PLD5: variants seen among roughly 807,000 people sequenced by gnomAD.
The protein encoded by PLD5 is inactive phospholipase D5.
In PLD5, 36 loss-of-function variants were observed where a neutral mutation model predicts 61.1. That is an observed-to-expected ratio of 0.59 (90% CI 0.45 to 0.78). The LOEUF is 0.78. Ranked by LOEUF, PLD5 falls within the 30% of genes least tolerant of loss-of-function variation. The pLI, the probability that PLD5 is intolerant of heterozygous loss-of-function variation, is 0.00. For synonymous variants in PLD5, 243 were observed against 242.8 expected, an observed-to-expected ratio of 1.00 and a Z score of -0.01; for missense variants, 515 against 644.4, an observed-to-expected ratio of 0.80 and a Z score of 2.17.
At chr1:242,131,835 CTTT>C (rs10694688) in intron 5 of PLD5, among the ~76,000 whole-genome samples, 2 of 122,824 alleles carry the variant, frequency 1.6e-5, no homozygotes, top group Admixed American at 9.1e-5. Flanking sequence ...TCTTTCTTTC[CTTT>C]TTTTTTTTTT....
chr1:242,450,511 T>C (rs943065614), intron 1 of PLD5, among the ~76,000 whole-genome samples: 1 of 152,154 alleles, frequency 6.6e-6, no homozygotes, highest in East Asian at 1.9e-4. Flanking sequence ...GTTGGGTTCC[T>C]TTTTTTACTG....
At chr1:242,221,221 CA>C (rs1670567053) in intron 4 of PLD5, among the ~76,000 whole-genome samples, 1 of 152,176 alleles carries the variant, frequency 6.6e-6, no homozygotes, top group African/African-American at 2.4e-5. Context: ...ACAAACCTCT[CA>C]AAAGGAGCAT....
chr1:242,256,747 CATCTATCTATCTATCTATCTATCT>C lies in PLD5; in HGVS notation c.607+8566_607+8589del, dbSNP rs71570946. ...AGCAGCACAAATGAACTAAGACTATCATCTATCTATCTATCTATCTATCTATCTATCTATCTATCTATCTATCTA... is the reference window on the plus strand; with the variant it reads ...AGCAGCACAAATGAACTAAGACTATCATCTATCTATCTATCTATCTATCTA... On this transcript the variant is annotated intron_variant, in intron 4 of 9. Transcript: ENST00000536534. The surrounding 1 kb of genome is among the most constrained non-coding windows in gnomAD (Gnocchi z 5.7). Among the ~76,000 whole-genome samples the C allele has an allele frequency of 3.4e-5, 5 of 148,222 alleles. No homozygotes were observed. The highest frequency in any genetic ancestry group is 7.5e-5 in the African/African-American group (3 of 40,140).
At chr1:242,223,603 T>C (rs1005353128) in intron 4 of PLD5, among the ~76,000 whole-genome samples, 1 of 152,214 alleles carries the variant, frequency 6.6e-6, no homozygotes, top group Non-Finnish European at 1.5e-5. Flanking sequence ...ATAGCTATGT[T>C]ACAACAGTCT....
At chr1:242,443,630 AAAGG>A (rs1666373526) in intron 1 of PLD5, among the ~76,000 whole-genome samples, 1 of 152,194 alleles carries the variant, frequency 6.6e-6, no homozygotes, top group African/African-American at 2.4e-5. Context: ...AAGTAAATGG[AAAGG>A]AAGGAAGAGT....
chr1:242,264,147 A>C (rs749187902), intron 4 of PLD5, among the ~76,000 whole-genome samples: 17 of 152,346 alleles, frequency 1.1e-4, no homozygotes, highest in East Asian at 5.8e-4. Context: ...AAATTATCAG[A>C]TAGTGAGAAC....
At chr1:242,349,519 G>T (rs1301421749) in intron 1 of PLD5, among the ~76,000 whole-genome samples, 2 of 152,134 alleles carry the variant, frequency 1.3e-5, no homozygotes, top group Non-Finnish European at 2.9e-5. Context: ...TTATTTAACT[G>T]ACATTGTTCA....
chr1:242,375,205 C>T (rs556531696), intron 1 of PLD5, among the ~76,000 whole-genome samples: 16 of 152,312 alleles, frequency 1.1e-4, no homozygotes, highest in East Asian at 5.8e-4. Flanking sequence ...GGTTTGTGTA[C>T]GGCTGCATCT....
intron 5 of PLD5, among the ~76,000 whole-genome samples, chr1:242,207,067 A>G (rs1242226372): frequency 6.6e-6 from 1 of 152,134 alleles, no homozygotes; most frequent in Non-Finnish European, 1.5e-5. Context: ...CTCCACTTCA[A>G]TTGATTGGAT....
chr1:242,136,788 C>T (rs1663763276), intron 5 of PLD5, among the ~76,000 whole-genome samples: 1 of 152,100 alleles, frequency 6.6e-6, no homozygotes, highest in African/African-American at 2.4e-5. Context: ...TAACAATTTC[C>T]CATTAAAGGG....
At position 242,108,321 on chromosome 1, in the gene PLD5, C is replaced by T. The variant is rs562213905; in HGVS notation, c.1071-482G>A. On this transcript the variant is annotated intron_variant, in intron 7 of 9. Coordinates refer to ENST00000536534, the MANE Select transcript of PLD5 (RefSeq NM_001372062.1). ...CACTTCCTTTTCCCGACTGTCTTAC[C>T]GTGGTGTCTCCTTACCAAGCCTCCC... 1.2e-3 allele frequency among the ~76,000 whole-genome samples: 179 copies of T among 152,286 alleles called. 1 individual carries two copies. Among genetic ancestry groups the T allele is most frequent in the African/African-American group, 3.9e-3 (163 of 41,556 alleles).
intron 1 of PLD5, among the ~76,000 whole-genome samples, chr1:242,390,257 ACCTTGTTGGCC>A (rs1662851903): frequency 1.3e-5 from 2 of 152,002 alleles, no homozygotes; most frequent in Non-Finnish European, 2.9e-5. Flanking sequence ...ACAGGGTTTC[ACCTTGTTGGCC>A]AGGTTGGTCT....
intron 7 of PLD5, among the ~76,000 whole-genome samples, chr1:242,108,282 T>A (rs560158108): frequency 6.6e-6 from 1 of 152,276 alleles, no homozygotes; most frequent in South Asian, 2.1e-4. Flanking sequence ...GCTCTGGTCA[T>A]CTGAGCTTCC....
In PLD5 at chr1:242,083,477, C is replaced by T. The variant is rs1298409480; in HGVS notation, c.*6377G>A. On this transcript the variant is annotated 3_prime_UTR_variant, in exon 10 of 10. Coordinates refer to ENST00000536534, the MANE Select transcript of PLD5 (RefSeq NM_001372062.1). ...TGGAGGTAGGGTCTCTCCAAGACAC[C>T]AGGAAAACTATAGATCCACCTATGA... 1 of 152,078 alleles carries T rather than the reference C, an allele frequency of 6.6e-6. No individual in the cohort carries two copies. The highest frequency in any genetic ancestry group is 1.5e-5 in the Non-Finnish European group (1 of 68,024). 9.4% of individuals were successfully genotyped at this position (152,078 alleles called of 1,614,324 possible). A position where few individuals can be genotyped will look rare whatever the true frequency, so the allele number is the denominator to read the frequency against.
chr1:242,447,097 C>T (rs1666575514), intron 1 of PLD5, among the ~76,000 whole-genome samples: 2 of 152,174 alleles, frequency 1.3e-5, no homozygotes, highest in Admixed American at 1.3e-4. Flanking sequence ...ATTATGTCCT[C>T]GCTATTTGTA....
rs139207744 is a variant in PLD5, at chr1:242,294,638, A to C, written c.327-6108T>G. Among the ~76,000 whole-genome samples the C allele has an allele frequency of 6.4e-3, 973 of 152,294 alleles. 10 individuals carry two copies. The highest frequency in any genetic ancestry group is 0.022 in the African/African-American group (915 of 41,552). On this transcript the variant is annotated intron_variant, in intron 2 of 9. Transcript: ENST00000536534. The stretch of plus-strand genomic sequence containing the variant: ...GTTATGAGCTGTGTGACCTTCAACA[A>C]ATTACTAACCTCTTTCAATCTGTTC...
At chr1:242,394,526 G>A (rs976532933) in intron 1 of PLD5, among the ~76,000 whole-genome samples, 1 of 48,618 alleles carries the variant, frequency 2.1e-5, no homozygotes, top group Non-Finnish European at 3.5e-5. Flanking sequence ...ATATATATGT[G>A]TATATATGTG....
chr1:242,164,090 C>A (rs1350056610), intron 5 of PLD5, among the ~76,000 whole-genome samples: 1 of 150,990 alleles, frequency 6.6e-6, no homozygotes, highest in Non-Finnish European at 1.5e-5. Flanking sequence ...AAGTCATTAT[C>A]GTTATTTTTA....
chr1:242,246,154 G>A (rs1451172359), intron 4 of PLD5, among the ~76,000 whole-genome samples: 1 of 151,798 alleles, frequency 6.6e-6, no homozygotes, highest in Non-Finnish European at 1.5e-5. Flanking sequence ...GATCACTTGG[G>A]GCCAGGAGTT....
Sources: allele counts gnomAD v4.1 joint callset (sites outside exome capture counted in the v4.1 genomes callset), GRCh38; gene constraint gnomAD v4.1.1; non-coding constraint Gnocchi (gnomAD v3.1); transcripts MANE v1.5; gene names NCBI Gene and HGNC (gene_info 2026-07-23, HGNC 2026-07-21).